The following CA10 variants were observed in gnomAD, a reference collection of about 807,000 sequenced individuals.
CA10 encodes the protein carbonic anhydrase-related protein 10.
CA10 carries 14 observed loss-of-function variants against 44.2 expected under a neutral mutation model. The observed-to-expected ratio is 0.32, with a 90% confidence interval of 0.21 to 0.50. The LOEUF (loss-of-function observed/expected upper bound fraction) is 0.50, where lower values mean the gene tolerates loss of function less well. Among genes scored for constraint, CA10 ranks in the 20% least tolerant of loss-of-function variants. The pLI, the probability that CA10 is intolerant of heterozygous loss-of-function variation, is 0.99. For missense variants in CA10, 350 were observed against 409.7 expected (o/e 0.85, Z 1.26); for synonymous variants, 159 against 141.6 (o/e 1.12, Z -0.87).
At chr17:51,681,318 C>G (rs1184298776) in intron 4 of CA10, among the ~76,000 whole-genome samples, 1 of 152,224 alleles carries the variant, frequency 6.6e-6, no homozygotes, top group Non-Finnish European at 1.5e-5. Context: ...TCTCTCTTTG[C>G]TTCAATGAAC....
chr17:51,747,552 T>G, intron 4 of CA10, 81 bp downstream of exon 4: 1 of 1,143,908 alleles, frequency 8.7e-7, no homozygotes, highest in Non-Finnish European at 1.3e-6. Context: ...CCCTTTGTTA[T>G]GTTATCCCAT....
At chr17:51,738,846 A>G (rs2143581922) in intron 4 of CA10, among the ~76,000 whole-genome samples, 1 of 152,322 alleles carries the variant, frequency 6.6e-6, no homozygotes, top group Non-Finnish European at 1.5e-5. Context: ...AGAATTCTAA[A>G]TTTTATTTAA....
At chr17:51,761,520 T>A (rs995033263) in intron 3 of CA10, 4 of 152,162 alleles carry the variant, frequency 2.6e-5, no homozygotes, top group African/African-American at 9.7e-5. Flanking sequence ...AAACCTTTTG[T>A]TCACAGGTAT....
rs1913083969 is a variant in CA10 at position 51,641,424 on chromosome 17, CTT to C, written c.635-5417_635-5416del. On this transcript the variant is annotated intron_variant, in intron 6 of 8. Coordinates refer to ENST00000451037, the MANE Select transcript of CA10 (RefSeq NM_020178.5). Reference sequence around the variant, plus strand: ...GAAACCATCTTTCAACATAAGCAAGCTTGTTAGCCAAATTTATCTTAGGTAGG... The same window carrying C: ...GAAACCATCTTTCAACATAAGCAAGCGTTAGCCAAATTTATCTTAGGTAGG... 4.6e-5 allele frequency among the ~76,000 whole-genome samples: 7 copies of C among 152,204 alleles called. No homozygotes were observed. The South Asian group carries it at 1.5e-3, about 32-fold the overall frequency.
intron 3 of CA10, among the ~76,000 whole-genome samples, chr17:51,802,485 C>A (rs1906968968): frequency 7.1e-6 from 1 of 141,782 alleles, no homozygotes; most frequent in African/African-American, 2.7e-5. Flanking sequence ...TGGGGAAATT[C>A]TTTCCCCTCA....
In CA10 at chr17:51,717,728, C is replaced by T. The variant is rs1452248227; in HGVS notation, c.465+29905G>A. ...ATATATACATATATACGTATATATACATATATACGTATATATACATGTATA... is the reference window on the plus strand; with the variant it reads ...ATATATACATATATACGTATATATATATATATACGTATATATACATGTATA... On this transcript the variant is annotated intron_variant, in intron 4 of 8. Coordinates refer to ENST00000451037, the MANE Select transcript of CA10 (RefSeq NM_020178.5). 4.6e-3 allele frequency among the ~76,000 whole-genome samples: 87 copies of T among 18,966 alleles called. 13 individuals are homozygous for T. The highest frequency in any genetic ancestry group is 9.7e-3 in the African/African-American group (66 of 6,818). The allele number at this position is 18,966 out of a possible 152,430, so 12.4% of individuals were successfully genotyped here.
intron 1 of CA10, among the ~76,000 whole-genome samples, chr17:52,101,837 G>T (rs368134638): frequency 6.6e-6 from 1 of 151,828 alleles, no homozygotes; most frequent in East Asian, 1.9e-4. Flanking sequence ...TATAGCATAG[G>T]GTTTAAATAG....
At chr17:51,733,386 G>A (rs981879076) in intron 4 of CA10, among the ~76,000 whole-genome samples, 29 of 152,112 alleles carry the variant, frequency 1.9e-4, no homozygotes, top group Admixed American at 1.6e-3. Context: ...AGGGAGGCTG[G>A]GAAGCTGAAA....
chr17:51,788,078 G>A (rs767144463), intron 3 of CA10, among the ~76,000 whole-genome samples: 5 of 151,870 alleles, frequency 3.3e-5, no homozygotes, highest in Admixed American at 6.6e-5. Context: ...CTTCTTTTTT[G>A]ATGCAGGCAC....
intron 2 of CA10, among the ~76,000 whole-genome samples, chr17:52,065,661 C>A (rs1408329203): frequency 6.6e-6 from 1 of 152,162 alleles, no homozygotes; most frequent in Non-Finnish European, 1.5e-5. Context: ...ACTTCTAGTT[C>A]CTTTCAGGTA....
chr17:51,809,178 A>G (rs1386289412), intron 3 of CA10, among the ~76,000 whole-genome samples: 1 of 152,278 alleles, frequency 6.6e-6, no homozygotes, highest in Non-Finnish European at 1.5e-5. Flanking sequence ...AAAACAGTTT[A>G]TTTTGACCTA....
At chr17:52,074,780 C>T (rs531556574) in intron 1 of CA10, among the ~76,000 whole-genome samples, 53 of 151,810 alleles carry the variant, frequency 3.5e-4, no homozygotes, top group African/African-American at 1.2e-3. Flanking sequence ...TACACTAGAA[C>T]AGAGATTGGA....
At chr17:51,933,767 C>T (rs1000925137) in intron 2 of CA10, among the ~76,000 whole-genome samples, 1 of 152,178 alleles carries the variant, frequency 6.6e-6, no homozygotes, top group South Asian at 2.1e-4. Context: ...GTGCACATTG[C>T]ATTTCATCTA....
At chr17:52,127,020 A>T (rs185241603) in intron 1 of CA10, among the ~76,000 whole-genome samples, 1 of 152,318 alleles carries the variant, frequency 6.6e-6, no homozygotes, top group East Asian at 1.9e-4. Context: ...ATACAATAAG[A>T]TGTGAACACA....
chr17:51,691,283 G>A (rs1915183833), intron 4 of CA10, among the ~76,000 whole-genome samples: 1 of 152,122 alleles, frequency 6.6e-6, no homozygotes, highest in Non-Finnish European at 1.5e-5. Context: ...TCTAAGTTGT[G>A]AGGTAATATC....
At chr17:52,050,131 A>T (rs537045255) in intron 2 of CA10, among the ~76,000 whole-genome samples, 169 of 152,170 alleles carry the variant, frequency 1.1e-3, no homozygotes, top group Non-Finnish European at 2.0e-3. Flanking sequence ...TAAGTGACAC[A>T]TGACTATTTG....
intron 1 of CA10, among the ~76,000 whole-genome samples, chr17:52,133,457 A>G (rs1989285955): frequency 6.6e-6 from 1 of 152,202 alleles, no homozygotes; most frequent in South Asian, 2.1e-4. Flanking sequence ...GGAAGGAAAC[A>G]GAAAACAGGA....
chr17:52,108,542 C>CA lies in CA10; in HGVS notation c.62-36150dup, dbSNP rs893912760. Among the ~76,000 whole-genome samples the CA allele has an allele frequency of 7.4e-4, 112 of 150,688 alleles. 1 individual carries two copies. The highest frequency in any genetic ancestry group is 1.1e-3 in the South Asian group (5 of 4,758). On this transcript the variant is annotated intron_variant, in intron 1 of 8. Transcript: ENST00000451037. ...TGAAACCCCGTCTCTACTAAAAATA[C>CA]AAAAAAAATTAGCTGGGCGTGGTGG... is the stretch of plus-strand genomic sequence containing the variant.
intron 3 of CA10, among the ~76,000 whole-genome samples, chr17:51,849,266 A>T (rs867268177): frequency 3.5e-3 from 236 of 68,018 alleles, no homozygotes; most frequent in Middle Eastern, 0.011. Context: ...TATATATATA[A>T]AACTAAGTTT....
Sources: allele counts gnomAD v4.1 joint callset (sites outside exome capture counted in the v4.1 genomes callset), GRCh38; gene constraint gnomAD v4.1.1; transcripts MANE v1.5; gene names NCBI Gene and HGNC (gene_info 2026-07-23, HGNC 2026-07-21).